NRXN3: variants seen among roughly 807,000 people sequenced by gnomAD.
NRXN3 encodes the protein neurexin III.
Under a neutral mutation model 137.6 loss-of-function variants are expected in NRXN3, and 32 were observed. The observed-to-expected ratio is 0.23, with a 90% CI of 0.18 to 0.31. The LOEUF (loss-of-function observed/expected upper bound fraction) is 0.31. NRXN3 is among the 10% of genes least tolerant of loss of function. NRXN3 has a pLI of 1.00. For synonymous variants in NRXN3, 798 were observed against 784.5 expected (o/e 1.02, Z -0.29); for missense variants, 1,574 against 2,062.5 (o/e 0.76, Z 4.59).
intron 16 of NRXN3, among the ~76,000 whole-genome samples, chr14:79,656,924 C>T (rs753022743): frequency 7.2e-5 from 11 of 152,056 alleles, no homozygotes; most frequent in African/African-American, 2.4e-4. Flanking sequence ...ATCCCAGAGT[C>T]GATGACCTTG....
chr14:78,836,816 T>C (rs1329220792), intron 10 of NRXN3, among the ~76,000 whole-genome samples: 1 of 152,194 alleles, frequency 6.6e-6, no homozygotes, highest in African/African-American at 2.4e-5. Context: ...TTGGCATACC[T>C]GAGGAGATAA....
intron 4 of NRXN3, among the ~76,000 whole-genome samples, chr14:78,357,787 A>G (rs1408540007): frequency 2.0e-5 from 3 of 152,192 alleles, no homozygotes; most frequent in Admixed American, 2.0e-4. Context: ...TGAATCTATG[A>G]TATGGTGAAT....
chr14:78,514,102 C>A (rs74339119), intron 4 of NRXN3, among the ~76,000 whole-genome samples: 214 of 152,194 alleles, frequency 1.4e-3, no homozygotes, highest in African/African-American at 5.1e-3. Context: ...TTATGATTTG[C>A]AAAGCTAGCA....
At chr14:79,567,376 G>T (rs538493418) in intron 16 of NRXN3, among the ~76,000 whole-genome samples, 4 of 152,084 alleles carry the variant, frequency 2.6e-5, no homozygotes, top group South Asian at 4.2e-4. Context: ...GACTGGACTT[G>T]CATATGTTAA....
intron 15 of NRXN3, among the ~76,000 whole-genome samples, chr14:79,365,445 C>T (rs919377458): frequency 6.6e-6 from 1 of 152,068 alleles, no homozygotes; most frequent in Non-Finnish European, 1.5e-5. Context: ...ATTGGCCGGG[C>T]GCGGTGGCTC....
chr14:78,510,014 C>A (rs2096071377), intron 4 of NRXN3, among the ~76,000 whole-genome samples: 1 of 143,894 alleles, frequency 6.9e-6, no homozygotes. Flanking sequence ...TCTGAATGTC[C>A]AAGGCAGCCA....
chr14:79,681,458 C>A (rs2098669843), intron 17 of NRXN3, among the ~76,000 whole-genome samples: 1 of 152,144 alleles, frequency 6.6e-6, no homozygotes, highest in South Asian at 2.1e-4. Flanking sequence ...TCATGTACCC[C>A]TCTGGGGTCT....
intron 10 of NRXN3, among the ~76,000 whole-genome samples, chr14:78,910,882 G>A (rs937146259): frequency 3.3e-5 from 5 of 152,084 alleles, no homozygotes; most frequent in African/African-American, 1.2e-4. Context: ...TGTTTCAGAT[G>A]TTCAGATGAC....
At chr14:79,335,839 A>T (rs1344027069) in intron 15 of NRXN3, among the ~76,000 whole-genome samples, 1 of 152,044 alleles carries the variant, frequency 6.6e-6, no homozygotes, top group Non-Finnish European at 1.5e-5. Flanking sequence ...TACATTCACG[A>T]CTTTCATCCC....
chr14:78,195,546 G>A (rs758601253), intron 1 of NRXN3, among the ~76,000 whole-genome samples: 6 of 152,196 alleles, frequency 3.9e-5, no homozygotes, highest in Non-Finnish European at 7.3e-5. Context: ...GGGTGGGTGT[G>A]TGACTTTAGA....
At chr14:78,887,085 G>T (rs748147202) in intron 10 of NRXN3, among the ~76,000 whole-genome samples, 3 of 152,128 alleles carry the variant, frequency 2.0e-5, no homozygotes, top group Non-Finnish European at 4.4e-5. Context: ...TGGCGATGGT[G>T]ATGATAGTGC....
chr14:79,130,824 C>T (rs1198735832), intron 15 of NRXN3, among the ~76,000 whole-genome samples: 11 of 152,190 alleles, frequency 7.2e-5, no homozygotes, highest in South Asian at 6.2e-4. Context: ...ACCAATCAGA[C>T]GTAGATTTGG....
chr14:78,678,841 T>C (rs1187767965), intron 6 of NRXN3, among the ~76,000 whole-genome samples: 1 of 152,150 alleles, frequency 6.6e-6, no homozygotes, highest in Non-Finnish European at 1.5e-5. Flanking sequence ...CCCCAGTGAG[T>C]GGCCTTCCCT....
intron 4 of NRXN3, among the ~76,000 whole-genome samples, chr14:78,339,232 A>T: frequency 6.6e-6 from 1 of 152,210 alleles, no homozygotes; most frequent in East Asian, 1.9e-4. Context: ...CCTTTTAAAT[A>T]TATTTTCGCA....
At chr14:79,527,871 CAAAAAAA>C (rs33938281) in intron 16 of NRXN3, among the ~76,000 whole-genome samples, 6 of 118,398 alleles carry the variant, frequency 5.1e-5, no homozygotes, top group Admixed American at 8.7e-5. Flanking sequence ...ACTCCTTCGC[CAAAAAAA>C]AAAAAAAAAA....
At chr14:79,746,244 G>T (rs968235879) in intron 19 of NRXN3, among the ~76,000 whole-genome samples, 1 of 152,052 alleles carries the variant, frequency 6.6e-6, no homozygotes, top group African/African-American at 2.4e-5. Flanking sequence ...CCTCACAACA[G>T]ATGTACTGAA....
In NRXN3 at chr14:79,308,165, TGTTAGGACTTAGGGG is replaced by T. The variant is rs148799406; in HGVS notation, c.3263-159045_3263-159031del. On this transcript the variant is annotated intron_variant, in intron 15 of 20. Coordinates refer to ENST00000335750, the MANE Select transcript of NRXN3 (RefSeq NM_001330195.2). ...TCTAATACAGTCACATTCTGAGGGGTGTTAGGACTTAGGGGGTTAGGACTTCAACATATGAATGTT... is the reference window on the plus strand; with the variant it reads ...TCTAATACAGTCACATTCTGAGGGGTGTTAGGACTTCAACATATGAATGTT... Among the ~76,000 whole-genome samples, 1,166 of 152,196 alleles carry T rather than the reference TGTTAGGACTTAGGGG, an allele frequency of 7.7e-3. 22 individuals carry two copies. The South Asian group carries it at 0.08, about 10-fold the overall frequency.
intron 15 of NRXN3, among the ~76,000 whole-genome samples, chr14:79,128,693 A>T (rs1400396985): frequency 6.6e-6 from 1 of 152,186 alleles, no homozygotes; most frequent in Admixed American, 6.5e-5. Flanking sequence ...TGGCCTCATA[A>T]AATGAGTTAG....
At position 79,371,405 on chromosome 14, in the gene NRXN3, A is replaced by AT. The variant is rs901598846; in HGVS notation, c.3263-95806dup. The stretch of plus-strand genomic sequence containing the variant: ...CTAGGAATAGATACTTGCATATAAT[A>AT]TTTTTTTTTTGAATCCCAGACTGGT... On this transcript the variant is annotated intron_variant, in intron 15 of 20. Coordinates refer to ENST00000335750, the MANE Select transcript of NRXN3 (RefSeq NM_001330195.2). Among the ~76,000 whole-genome samples the AT allele has an allele frequency of 5.4e-4, 81 of 150,166 alleles. 1 individual carries two copies. The highest frequency in any genetic ancestry group is 2.9e-3 in the East Asian group (15 of 5,134).
Sources: allele counts gnomAD v4.1 joint callset (sites outside exome capture counted in the v4.1 genomes callset), GRCh38; gene constraint gnomAD v4.1.1; transcripts MANE v1.5; gene names NCBI Gene and HGNC (gene_info 2026-07-23, HGNC 2026-07-21).